Variants in NRP2 observed in about 807,000 individuals in gnomAD.
NRP2 encodes neuropilin-2.
A neutral mutation model predicts 110.4 loss-of-function variants in NRP2; 52 were observed. The observed-to-expected ratio is 0.47, with a 90% CI of 0.38 to 0.59. The LOEUF (loss-of-function observed/expected upper bound fraction) is 0.59. NRP2 is among the 20% of genes least tolerant of loss of function. NRP2 has a pLI of 0.00. For missense variants in NRP2, 1,049 were observed against 1,203.0 expected, an observed-to-expected ratio of 0.87 and a Z score of 1.89; for synonymous variants, 508 against 468.9, an observed-to-expected ratio of 1.08 and a Z score of -1.08.
chr2:205,730,642 C>G (rs980585478), intron 7 of NRP2, among the ~76,000 whole-genome samples: 2 of 152,122 alleles, frequency 1.3e-5, no homozygotes, highest in Non-Finnish European at 2.9e-5. Flanking sequence ...GGAATAGTGA[C>G]ATTTGGGACA....
chr2:205,740,549 G>A lies in NRP2; in HGVS notation c.1177G>A (p.Val393Met). 6.2e-7 allele frequency: 1 copy of A among 1,614,194 alleles called. No homozygotes were observed. Among genetic ancestry groups the A allele is most frequent in the Non-Finnish European group, 8.5e-7 (1 of 1,180,028 alleles). ...VFQANNDATE[V>M]VLNKLHAPLL... ...TCAAGCCAACAACGATGCAACTGAG[G>A]TGGTTCTGAACAAGCTCCACGCTCC... The change falls in exon 8 of 17, where the codon GTG becomes ATG. Residue 393 changes from valine (V) to methionine (M), a missense_variant. Val to Met is a conservative substitution (Grantham distance 21). Transcript: ENST00000357785.
At chr2:205,782,476 T>C (rs1395929193) in intron 15 of NRP2, among the ~76,000 whole-genome samples, 1 of 152,136 alleles carries the variant, frequency 6.6e-6, no homozygotes, top group Non-Finnish European at 1.5e-5. Flanking sequence ...AGTGCAATAA[T>C]ACAGAAAAAG....
intron 12 of NRP2, 152 bp downstream of exon 12, chr2:205,753,127 G>A (rs574300859): frequency 5.2e-5 from 56 of 1,070,658 alleles, no homozygotes; most frequent in African/African-American, 2.5e-4. Context: ...TGCTCAAGAC[G>A]TCACCTCAAA....
chr2:205,719,291 G>C (rs375815047), intron 3 of NRP2, among the ~76,000 whole-genome samples: 2 of 152,166 alleles, frequency 1.3e-5, no homozygotes, highest in South Asian at 4.1e-4. Flanking sequence ...TCTGCTGTAG[G>C]ACCCACAGTG....
intron 2 of NRP2, among the ~76,000 whole-genome samples, chr2:205,714,641 G>A (rs1321543503): frequency 2.6e-5 from 4 of 152,112 alleles, no homozygotes; most frequent in Admixed American, 6.5e-5. Context: ...CCAACCTCAC[G>A]GTCTTCTCAA....
chr2:205,795,545 A>G lies in NRP2; in HGVS notation c.*487A>G, dbSNP rs530651997. ...GTCTTTTCAGCCTTTCCATCTTTAC[A>G]AATAAAACTCAAAAAAGCCGTCCAG... On this transcript the variant is annotated 3_prime_UTR_variant, in exon 17 of 17. Transcript: ENST00000357785. 438 of 152,746 alleles carry G rather than the reference A, an allele frequency of 2.9e-3. 2 individuals carry two copies. Among genetic ancestry groups the G allele is most frequent in the African/African-American group, 9.9e-3 (413 of 41,534 alleles). The allele number at this position is 152,746 out of a possible 1,614,324, so 9.5% of individuals were successfully genotyped here.
At chr2:205,735,479 A>T (rs957325275) in intron 7 of NRP2, among the ~76,000 whole-genome samples, 2 of 148,218 alleles carry the variant, frequency 1.3e-5, no homozygotes, top group African/African-American at 4.9e-5. Context: ...AATTATATAT[A>T]TAATGTATAT....
chr2:205,790,887 G>C (rs532353756), intron 15 of NRP2, among the ~76,000 whole-genome samples: 1 of 152,340 alleles, frequency 6.6e-6, no homozygotes, highest in African/African-American at 2.4e-5. Context: ...GAATGGGCTG[G>C]AGTTATGGAG....
At chr2:205,780,318 G>T (rs1202157605) in intron 15 of NRP2, among the ~76,000 whole-genome samples, 2 of 152,342 alleles carry the variant, frequency 1.3e-5, no homozygotes, top group East Asian at 3.9e-4. Context: ...AACTATCAGA[G>T]TGGAACATTT....
chr2:205,781,462 A>G (rs2058172910), intron 15 of NRP2, among the ~76,000 whole-genome samples: 1 of 152,224 alleles, frequency 6.6e-6, no homozygotes. Context: ...CCTAGCTCAG[A>G]TAACCGAAAC....
chr2:205,697,778 C>T, intron 2 of NRP2, 57 bp downstream of exon 2: 3 of 1,513,096 alleles, frequency 2.0e-6, no homozygotes, highest in South Asian at 1.1e-5. Context: ...ACGCCCTGCC[C>T]CCACCCCTGC....
intron 2 of NRP2, among the ~76,000 whole-genome samples, chr2:205,711,101 T>C (rs1227810310): frequency 6.6e-6 from 1 of 152,178 alleles, no homozygotes; most frequent in African/African-American, 2.4e-5. Context: ...ACAGAGAGTA[T>C]AAAATGGATC....
At chr2:205,736,334 C>T (rs2057342727) in intron 7 of NRP2, among the ~76,000 whole-genome samples, 1 of 151,892 alleles carries the variant, frequency 6.6e-6, no homozygotes, top group South Asian at 2.1e-4. Flanking sequence ...AGAGCAAAAC[C>T]CCATCTCAAA....
intron 15 of NRP2, among the ~76,000 whole-genome samples, chr2:205,775,225 A>C (rs1359295426): frequency 1.3e-5 from 2 of 152,232 alleles, no homozygotes; most frequent in Non-Finnish European, 1.5e-5. Flanking sequence ...TTTCTGGGCC[A>C]GATTCTCATC....
rs568953602 is a variant in NRP2 at position 205,794,992 on chromosome 2, C to T, written c.2715C>T (p.Phe905=). ...GCACCACACTGGAGAACTACAACTT[C>T]GAGCTCTACGATGGCCTTAAGCACA... The part of the protein sequence containing the change: ...RSCTTLENYN[F]ELYDGLKHKV... The change falls in exon 17 of 17, where the codon TTC becomes TTT. Residue 905 remains phenylalanine (F), a synonymous_variant. Coordinates refer to ENST00000357785, the MANE Select transcript of NRP2 (RefSeq NM_003872.3). 1.1e-5 allele frequency: 18 copies of T among 1,614,034 alleles called. No homozygotes were observed. The highest frequency in any genetic ancestry group is 3.3e-5 in the South Asian group (3 of 91,088).
intron 6 of NRP2, 39 bp from the exon 7 acceptor site, chr2:205,727,852 G>C: frequency 6.3e-7 from 1 of 1,592,574 alleles, no homozygotes; most frequent in Non-Finnish European, 8.6e-7. Context: ...GCCCTGTGTT[G>C]GGAATGGTGG....
Position 205,727,992 on chromosome 2 carries a change from A to G in NRP2, c.1092A>G (p.Glu364=). 6.2e-7 allele frequency: 1 copy of G among 1,614,202 alleles called. No individual in the cohort carries two copies. The highest frequency in any genetic ancestry group is 8.5e-7 in the Non-Finnish European group (1 of 1,180,030). The change falls in exon 7 of 17, where the codon GAA becomes GAG. Residue 364 remains glutamate, a synonymous_variant. Coordinates refer to ENST00000357785, the MANE Select transcript of NRP2 (RefSeq NM_003872.3). ...NGYYVKSYKL[E]VSTNGEDWMV... is the part of the protein sequence containing the mutation. ...ACTATGTCAAATCCTACAAGCTGGA[A>G]GTCAGCACTAATGGAGAGGACTGGA...
chr2:205,696,333 C>A (rs371600353), intron 1 of NRP2, among the ~76,000 whole-genome samples: 1 of 152,164 alleles, frequency 6.6e-6, no homozygotes, highest in Non-Finnish European at 1.5e-5. Flanking sequence ...TCCTGGAGGG[C>A]GGCTGCTGAG....
At chr2:205,689,698 A>C (rs552120739) in intron 1 of NRP2, among the ~76,000 whole-genome samples, 4 of 151,896 alleles carry the variant, frequency 2.6e-5, no homozygotes, top group Admixed American at 2.0e-4. Flanking sequence ...CTCTGTTTTC[A>C]GTATTCTTAC....
Sources: gnomAD v4.1 joint callset for allele counts (sites outside exome capture counted in the v4.1 genomes callset) on GRCh38, gnomAD v4.1.1 for gene constraint, MANE v1.5 for transcripts, NCBI Gene and HGNC (gene_info 2026-07-23, HGNC 2026-07-21) for gene names.